FAM107B: variants seen among roughly 807,000 people sequenced by gnomAD.
FAM107B encodes protein FAM107B.
Under a neutral mutation model 31.5 loss-of-function variants are expected in FAM107B, and 21 were observed. The ratio of observed to expected loss-of-function variants is 0.67; its 90% CI spans 0.47 to 0.96. The LOEUF is 0.96. Among genes scored for constraint, FAM107B ranks in the 40% least tolerant of loss-of-function variants. FAM107B has a pLI of 0.00. For missense variants in FAM107B, 452 were observed against 377.1 expected (o/e 1.20, Z -1.64); for synonymous variants, 157 against 141.5 (o/e 1.11, Z -0.78).
chr10:14,719,224 G>A (rs1855855014), intron 1 of FAM107B, among the ~76,000 whole-genome samples: 1 of 152,132 alleles, frequency 6.6e-6, no homozygotes, highest in Non-Finnish European at 1.5e-5. Flanking sequence ...ACTCAGGCCT[G>A]GGTTCGGGAG....
At chr10:14,598,019 G>A (rs1852243868) in intron 2 of FAM107B, among the ~76,000 whole-genome samples, 1 of 152,078 alleles carries the variant, frequency 6.6e-6, no homozygotes, top group Non-Finnish European at 1.5e-5. Context: ...TTTTAGTTGG[G>A]TTCTTCATTT....
rs1022267843 is a variant in FAM107B, at chr10:14,556,264, T to C, written c.470-25749A>G. ...CGTCCTTCCTGTCATCAGAACCGAC[T>C]GACTGGAAGGCCAGTAATTTGATAT... On this transcript the variant is annotated intron_variant, in intron 2 of 4. Transcript: ENST00000181796. The C allele has an allele frequency of 7.4e-6, 6 of 813,100 alleles. 1 individual carries two copies. The highest frequency in any genetic ancestry group is 5.9e-6 in the Non-Finnish European group (4 of 672,782). The allele number at this position is 813,100 out of a possible 1,614,324, so 50.4% of individuals were successfully genotyped here. A position where few individuals can be genotyped will look rare whatever the true frequency, so the allele number is the denominator to read the frequency against.
At chr10:14,728,125 T>C (rs1297891087) in intron 1 of FAM107B, among the ~76,000 whole-genome samples, 1 of 152,186 alleles carries the variant, frequency 6.6e-6, no homozygotes, top group African/African-American at 2.4e-5. Context: ...ACACAATGCT[T>C]GTGAGCTTGT....
At position 14,518,842 on chromosome 10, in the gene FAM107B, G is replaced by A. The variant is rs916602597; in HGVS notation, c.*2348C>T. 1 of 152,514 alleles carries A rather than the reference G, an allele frequency of 6.6e-6. No homozygotes were observed. Among genetic ancestry groups the A allele is most frequent in the East Asian group, 1.9e-4 (1 of 5,182 alleles). 9.4% of individuals were successfully genotyped at this position (152,514 alleles called of 1,614,324 possible). A position where few individuals can be genotyped will look rare whatever the true frequency, so the allele number is the denominator to read the frequency against. Reference sequence around the variant, plus strand: ...CATTAAACTATTTTAAGAAAACCACGCTGTGGAAAAATGGAGCCATTTTTG... The same window carrying A: ...CATTAAACTATTTTAAGAAAACCACACTGTGGAAAAATGGAGCCATTTTTG... On this transcript the variant is annotated 3_prime_UTR_variant, in exon 5 of 5. Coordinates refer to ENST00000181796, the MANE Select transcript of FAM107B (RefSeq NM_031453.4).
intron 2 of FAM107B, among the ~76,000 whole-genome samples, chr10:14,636,408 C>T (rs1246447801): frequency 1.3e-5 from 2 of 152,134 alleles, no homozygotes; most frequent in Non-Finnish European, 2.9e-5. Context: ...CTACATACCT[C>T]TAACTCTTTT....
At chr10:14,546,105 A>T (rs1848668881) in intron 2 of FAM107B, among the ~76,000 whole-genome samples, 1 of 152,268 alleles carries the variant, frequency 6.6e-6, no homozygotes, top group South Asian at 2.1e-4. Context: ...ATCTTCAAAC[A>T]GACTTAATGA....
intron 1 of FAM107B, among the ~76,000 whole-genome samples, chr10:14,743,362 T>C (rs1175202185): frequency 6.6e-6 from 1 of 152,206 alleles, no homozygotes; most frequent in Non-Finnish European, 1.5e-5. Context: ...TTTAATTAGA[T>C]CCCATTTGTT....
At chr10:14,637,181 G>GCCC (rs1853521416) in intron 2 of FAM107B, among the ~76,000 whole-genome samples, 1 of 152,016 alleles carries the variant, frequency 6.6e-6, no homozygotes, top group African/African-American at 2.4e-5. Context: ...GCTTCACGAG[G>GCCC]GTCTTATTTC....
chr10:14,716,715 T>C (rs1379544285), intron 1 of FAM107B, among the ~76,000 whole-genome samples: 1 of 152,190 alleles, frequency 6.6e-6, no homozygotes, highest in South Asian at 2.1e-4. Context: ...CTCAAGCACA[T>C]CATTTAATCT....
At chr10:14,771,294 T>C (rs1833297012) in intron 1 of FAM107B, among the ~76,000 whole-genome samples, 1 of 152,134 alleles carries the variant, frequency 6.6e-6, no homozygotes, top group African/African-American at 2.4e-5. Flanking sequence ...GAAGCTATGG[T>C]AGAAAAGGGT....
intron 2 of FAM107B, chr10:14,572,171 AG>A: frequency 1.0e-6 from 1 of 985,444 alleles, no homozygotes; most frequent in Non-Finnish European, 1.2e-6. Flanking sequence ...CATCCGGCAC[AG>A]AAGCCAGAGC....
chr10:14,696,554 G>A (rs747206965), intron 1 of FAM107B, among the ~76,000 whole-genome samples: 2 of 151,808 alleles, frequency 1.3e-5, no homozygotes, highest in South Asian at 2.1e-4. Flanking sequence ...GTGGTGGGGG[G>A]TAAAGAACTT....
rs71505033 is a variant in FAM107B, at chr10:14,628,112, G to GTTTTTTTTTTTTTTTT, written c.469+39506_469+39521dup. ...TCCTTGTTTGTTTTTTGTTTTGCTG[G>GTTTTTTTTTTTTTTTT]TTTTTTTTTTTTTTTTTTTTTGAGA... is the stretch of plus-strand genomic sequence containing the variant. On this transcript the variant is annotated intron_variant, in intron 2 of 4. Transcript: ENST00000181796. 3.1e-4 allele frequency among the ~76,000 whole-genome samples: 29 copies of GTTTTTTTTTTTTTTTT among 92,684 alleles called. 2 individuals carry two copies. Among genetic ancestry groups the GTTTTTTTTTTTTTTTT allele is most frequent in the East Asian group, 1.3e-3 (3 of 2,292 alleles). 60.8% of individuals were successfully genotyped at this position (92,684 alleles called of 152,430 possible).
chr10:14,621,988 A>T (rs997800918), intron 2 of FAM107B, among the ~76,000 whole-genome samples: 1 of 152,208 alleles, frequency 6.6e-6, no homozygotes, highest in African/African-American at 2.4e-5. Flanking sequence ...AACTAATCAG[A>T]TGCATCTTAA....
rs961272616 is a variant in FAM107B, at chr10:14,564,306, G to A, written c.470-33791C>T. 3.1e-4 allele frequency among the ~76,000 whole-genome samples: 47 copies of A among 151,868 alleles called. 1 individual carries two copies. The highest frequency in any genetic ancestry group is 9.7e-5 in the African/African-American group (4 of 41,356). ...GCTCCGAGACGTTGAGCAGATCAGCGGCAGCTTTCTTGGGTAGAATTCTTC... is the reference window on the plus strand; with the variant it reads ...GCTCCGAGACGTTGAGCAGATCAGCAGCAGCTTTCTTGGGTAGAATTCTTC... On this transcript the variant is annotated intron_variant, in intron 2 of 4. Transcript: ENST00000181796.
intron 2 of FAM107B, among the ~76,000 whole-genome samples, chr10:14,638,706 A>G (rs1157680175): frequency 6.6e-6 from 1 of 151,982 alleles, no homozygotes; most frequent in Non-Finnish European, 1.5e-5. Flanking sequence ...GCTCTTTTTT[A>G]TTCCTTACTA....
intron 1 of FAM107B, among the ~76,000 whole-genome samples, chr10:14,739,368 T>C (rs1345647139): frequency 6.6e-6 from 1 of 152,194 alleles, no homozygotes; most frequent in Non-Finnish European, 1.5e-5. Context: ...TACATAGAAC[T>C]ATACCCACTC....
intron 1 of FAM107B, among the ~76,000 whole-genome samples, chr10:14,765,484 A>G (rs115094835): frequency 2.5e-3 from 381 of 152,324 alleles, no homozygotes; most frequent in African/African-American, 8.5e-3. Flanking sequence ...TTGACTGGGT[A>G]TATCATGCAC....
At chr10:14,744,925 GTTTGTTTTTATT>G (rs939904453) in intron 1 of FAM107B, among the ~76,000 whole-genome samples, 10 of 151,972 alleles carry the variant, frequency 6.6e-5, no homozygotes, top group Admixed American at 5.9e-4. Context: ...GTTTTTGTTT[GTTTGTTTTTATT>G]TTTGTTTTTG....
Sources: allele counts gnomAD v4.1 joint callset (sites outside exome capture counted in the v4.1 genomes callset), GRCh38; gene constraint gnomAD v4.1.1; transcripts MANE v1.5; gene names NCBI Gene and HGNC (gene_info 2026-07-23, HGNC 2026-07-21).